Variants in REDIC1 observed in about 807,000 individuals in gnomAD.
The protein encoded by REDIC1 is HEI10 Interacting Protein 1.
the REDIC1 span, among the ~76,000 whole-genome samples, chr12:39,822,084 A>C: frequency 2.2e-4 from 20 of 89,832 alleles, no homozygotes; most frequent in African/African-American, 8.6e-4. Context: ...CCCACCCCAC[A>C]ACAGTCCCCA....
At chr12:39,871,639 C>CT in the REDIC1 span, among the ~76,000 whole-genome samples, 118 of 148,354 alleles carry the variant, frequency 8.0e-4, no homozygotes, top group African/African-American at 1.1e-3. Context: ...GTTAAAAGCT[C>CT]TTTTTTTTTT....
At chr12:39,906,066 T>C in the REDIC1 span, among the ~76,000 whole-genome samples, 2 of 152,138 alleles carry the variant, frequency 1.3e-5, no homozygotes, top group Non-Finnish European at 1.5e-5. Context: ...TTTATCACGA[T>C]AGACAAACTT....
the REDIC1 span, chr12:39,764,882 ATTAAC>A: frequency 2.5e-6 from 4 of 1,604,748 alleles, no homozygotes; most frequent in Non-Finnish European, 2.6e-6. Flanking sequence ...CAATATAAGT[ATTAAC>A]TTAATGTTTT....
chr12:39,700,421 A>G, the REDIC1 span, among the ~76,000 whole-genome samples: 1 of 152,184 alleles, frequency 6.6e-6, no homozygotes, highest in African/African-American at 2.4e-5. Flanking sequence ...AGCCTCCAAG[A>G]AATATGGGAC....
chr12:39,630,682 T>C, the REDIC1 span, among the ~76,000 whole-genome samples: 1 of 152,158 alleles, frequency 6.6e-6, no homozygotes. Context: ...TAGGTTTAGC[T>C]GAGAGTTTGG....
the REDIC1 span, among the ~76,000 whole-genome samples, chr12:39,835,378 A>C: frequency 4.3e-4 from 66 of 152,230 alleles, no homozygotes; most frequent in Middle Eastern, 0.014. Context: ...ACTTCTCACA[A>C]ACATTTACTC....
chr12:39,699,814 C>A, the REDIC1 span, among the ~76,000 whole-genome samples: 9 of 152,184 alleles, frequency 5.9e-5, no homozygotes, highest in African/African-American at 2.2e-4. Context: ...AACTGGGAGG[C>A]ACCCCCAAGC....
chr12:39,741,590 A>G, the REDIC1 span, among the ~76,000 whole-genome samples: 1 of 152,212 alleles, frequency 6.6e-6, no homozygotes, highest in East Asian at 1.9e-4. Context: ...TGGCCTGGGA[A>G]AAATAAAAAC....
chr12:39,648,657 A>T, the REDIC1 span, among the ~76,000 whole-genome samples: 1 of 151,478 alleles, frequency 6.6e-6, no homozygotes, highest in East Asian at 1.9e-4. Context: ...TGCTTATACA[A>T]ACACTATGTC....
chr12:39,805,748 A>T, the REDIC1 span, among the ~76,000 whole-genome samples: 2 of 152,188 alleles, frequency 1.3e-5, no homozygotes, highest in Admixed American at 6.6e-5. Flanking sequence ...TCAGTAACTT[A>T]GGTATCAATG....
the REDIC1 span, among the ~76,000 whole-genome samples, chr12:39,771,690 G>A: frequency 6.6e-6 from 1 of 152,020 alleles, no homozygotes; most frequent in South Asian, 2.1e-4. Flanking sequence ...ACAGTTTCCT[G>A]ATTTTCCTGC....
the REDIC1 span, among the ~76,000 whole-genome samples, chr12:39,862,440 CACTTA>C: frequency 6.6e-6 from 1 of 152,180 alleles, no homozygotes; most frequent in East Asian, 1.9e-4. Context: ...TGGACATAGG[CACTTA>C]ACTTTTATTA....
the REDIC1 span, chr12:39,758,182 A>T: frequency 2.0e-5 from 3 of 151,442 alleles, no homozygotes; most frequent in East Asian, 1.9e-4. Context: ...TAAAATATTA[A>T]TTTTTTTTAT....
chr12:39,702,014 A>G, the REDIC1 span, among the ~76,000 whole-genome samples: 1 of 152,158 alleles, frequency 6.6e-6, no homozygotes, highest in Admixed American at 6.5e-5. Context: ...ACACCCTAAC[A>G]TCACAATTAA....
the REDIC1 span, among the ~76,000 whole-genome samples, chr12:39,817,526 C>G: frequency 1.3e-5 from 2 of 152,102 alleles, no homozygotes; most frequent in Non-Finnish European, 2.9e-5. Context: ...TCATAAAACA[C>G]CAAACTTTTA....
At chr12:39,826,588 C>T in the REDIC1 span, among the ~76,000 whole-genome samples, 1 of 149,922 alleles carries the variant, frequency 6.7e-6, no homozygotes, top group Admixed American at 6.7e-5. Flanking sequence ...TAATTGTAAT[C>T]TCAATTTCTT....
the REDIC1 span, among the ~76,000 whole-genome samples, chr12:39,713,495 CACAT>C: frequency 2.4e-3 from 361 of 149,220 alleles, 1 homozygote; most frequent in African/African-American, 7.6e-3. Flanking sequence ...TACATTTGTA[CACAT>C]ACATATGTAT....
the REDIC1 span, among the ~76,000 whole-genome samples, chr12:39,877,101 T>A: frequency 6.6e-6 from 1 of 152,168 alleles, no homozygotes; most frequent in African/African-American, 2.4e-5. Context: ...AAAATAATTA[T>A]ATTTTCCTAT....
chr12:39,789,382 A>G, the REDIC1 span, among the ~76,000 whole-genome samples: 1 of 152,122 alleles, frequency 6.6e-6, no homozygotes, highest in African/African-American at 2.4e-5. Context: ...GCCTTTAGCT[A>G]CAGTTTATTT....
Sources: allele counts gnomAD v4.1 joint callset (sites outside exome capture counted in the v4.1 genomes callset), GRCh38; gene constraint gnomAD v4.1.1; transcripts MANE v1.5; gene names NCBI Gene and HGNC (gene_info 2026-07-23, HGNC 2026-07-21).